BCOR: variants seen among roughly 807,000 people sequenced by gnomAD.
BCOR encodes BCL-6 corepressor.
In BCOR, 10 loss-of-function variants were observed where a neutral mutation model predicts 86.7. The observed-to-expected ratio is 0.12, with a 90% CI of 0.07 to 0.20. The LOEUF is 0.20. BCOR is among the 10% of genes least tolerant of loss of function. The probability of loss-of-function intolerance (pLI) is 1.00; values close to 1 mark genes in which losing one functional copy is unlikely to be tolerated. For missense variants in BCOR, 1,259 were observed against 1,452.1 expected (o/e 0.87, Z 2.16); for synonymous variants, 611 against 609.0 (o/e 1.00, Z -0.05).
At chrX:40,148,736 G>A (rs901492685) in intron 1 of BCOR, among the ~76,000 whole-genome samples, 16 of 111,174 alleles carry the variant, frequency 1.4e-4, no homozygotes, top group African/African-American at 5.2e-4. Context: ...CACCACCAGC[G>A]CTGTGAGGGA....
At chrX:40,070,537 G>A (rs1226453374) in intron 6 of BCOR, among the ~76,000 whole-genome samples, 9 of 111,591 alleles carry the variant, frequency 8.1e-5, no homozygotes, top group African/African-American at 9.8e-5. Context: ...CACCCCCCAC[G>A]GTAAATCGTA....
At chrX:40,174,932 G>A (rs1434214486) in intron 1 of BCOR, among the ~76,000 whole-genome samples, 1 of 113,185 alleles carries the variant, frequency 8.8e-6, no homozygotes, top group African/African-American at 3.2e-5. Flanking sequence ...GTATTTAGAT[G>A]GGGTAAGTTC....
chrX:40,103,104 G>C (rs1390095686), intron 1 of BCOR, among the ~76,000 whole-genome samples: 1 of 80,287 alleles, frequency 1.2e-5, no homozygotes, highest in East Asian at 2.8e-4. Context: ...GGGGTGGGGT[G>C]GGGGGGCTCA....
At chrX:40,119,281 G>A (rs1471447808) in intron 1 of BCOR, among the ~76,000 whole-genome samples, 1 of 107,346 alleles carries the variant, frequency 9.3e-6, no homozygotes. Context: ...GCCGGTGGGG[G>A]GTGGACAGGG....
chrX:40,100,873 C>T (rs1177767017), upstream of BCOR, among the ~76,000 whole-genome samples: 1 of 109,944 alleles, frequency 9.1e-6, no homozygotes, highest in Non-Finnish European at 1.9e-5. Flanking sequence ...TTGCAACATC[C>T]TCCCCCACCT....
At chrX:40,061,616 A>G (rs1934874348) in intron 10 of BCOR, among the ~76,000 whole-genome samples, 1 of 107,467 alleles carries the variant, frequency 9.3e-6, no homozygotes, top group Admixed American at 9.9e-5. Context: ...CAGAGCCCTC[A>G]GCCCTAAGGC....
chrX:40,173,395 G>A (rs1938672860), intron 1 of BCOR, among the ~76,000 whole-genome samples: 1 of 112,366 alleles, frequency 8.9e-6, no homozygotes, highest in African/African-American at 3.2e-5. Context: ...GCTGCCTCCA[G>A]TACAATGCTA....
intron 1 of BCOR, among the ~76,000 whole-genome samples, chrX:40,108,930 AAC>A (rs1428906395): frequency 1.8e-5 from 2 of 113,083 alleles, no homozygotes; most frequent in Non-Finnish European, 3.8e-5. Flanking sequence ...AGGGGAAGGT[AAC>A]ACATGCACAT....
intron 1 of BCOR, among the ~76,000 whole-genome samples, chrX:40,085,091 C>T (rs1298097560): frequency 2.7e-5 from 3 of 113,016 alleles, no homozygotes; most frequent in African/African-American, 9.6e-5. Context: ...TGGGACTAGA[C>T]ACGACACCGC....
intron 1 of BCOR, among the ~76,000 whole-genome samples, chrX:40,096,401 C>CG (rs1349954661): frequency 8.9e-6 from 1 of 112,312 alleles, no homozygotes; most frequent in African/African-American, 3.2e-5. Context: ...AGGGGGAAAG[C>CG]GGGAGGGGGA....
intron 1 of BCOR, among the ~76,000 whole-genome samples, chrX:40,112,060 T>G (rs1217584000): frequency 1.8e-5 from 2 of 111,045 alleles, no homozygotes; most frequent in Non-Finnish European, 3.8e-5. Context: ...GGGGGCGGCG[T>G]TGTTTTTCAG....
At chrX:40,139,792 C>T (rs1937876634) in intron 1 of BCOR, among the ~76,000 whole-genome samples, 1 of 79,719 alleles carries the variant, frequency 1.3e-5, no homozygotes, top group South Asian at 6.6e-4. Context: ...GCCTGGGTGA[C>T]AGAGCGAGAC....
At chrX:40,071,213 C>G (rs1227235445) in intron 5 of BCOR, 54 bp from the exon 6 acceptor site, 1 of 1,115,069 alleles carries the variant, frequency 9.0e-7, no homozygotes, top group Non-Finnish European at 1.2e-6. Context: ...ACCATAAAAG[C>G]TATTTCATTT....
At chrX:40,099,585 C>T (rs1191217182), upstream of BCOR, among the ~76,000 whole-genome samples, 2 of 112,086 alleles carry the variant, frequency 1.8e-5, no homozygotes, top group African/African-American at 6.5e-5. Context: ...CAAAAATAAT[C>T]AAAAGCATCT....
At chrX:40,150,811 A>T (rs1938151915) in intron 1 of BCOR, among the ~76,000 whole-genome samples, 1 of 112,262 alleles carries the variant, frequency 8.9e-6, no homozygotes, top group Admixed American at 9.4e-5. Context: ...CACGAGGAAA[A>T]GCCATTCTAA....
intron 1 of BCOR, among the ~76,000 whole-genome samples, chrX:40,167,142 T>C (rs1938521831): frequency 8.9e-6 from 1 of 112,371 alleles, no homozygotes; most frequent in Admixed American, 9.4e-5. Flanking sequence ...GAAGTTAAAA[T>C]AGGCTTTTGC....
rs754907203 is a variant in BCOR at position 40,064,286 on chromosome X, G to A, written c.3502+50C>T. On this transcript the variant is annotated intron_variant, in intron 7 of 14. Transcript: ENST00000378444. Reference sequence around the variant, plus strand: ...CATCTCCTGTCCATCCACTGTGGCCGCATGCAAAGGCCCACCCCCCGGCAG... The same window carrying A: ...CATCTCCTGTCCATCCACTGTGGCCACATGCAAAGGCCCACCCCCCGGCAG... 4 of 1,206,183 alleles carry A rather than the reference G, an allele frequency of 3.3e-6. No homozygotes were observed. The African/African-American group carries it at 5.2e-5, about 16-fold the overall frequency.
intron 3 of BCOR, among the ~76,000 whole-genome samples, chrX:40,075,398 G>A (rs1935758139): frequency 9.0e-6 from 1 of 111,442 alleles, no homozygotes; most frequent in African/African-American, 3.3e-5. Flanking sequence ...CTAGTATCCT[G>A]GAAGCAGGGA....
intron 6 of BCOR, 138 bp downstream of exon 6, chrX:40,070,835 G>T: frequency 1.7e-6 from 1 of 580,662 alleles, no homozygotes. Flanking sequence ...ATCTTTCACA[G>T]ACGCCTCGTT....
Sources: gnomAD v4.1 joint callset for allele counts (sites outside exome capture counted in the v4.1 genomes callset) on GRCh38, gnomAD v4.1.1 for gene constraint, MANE v1.5 for transcripts, NCBI Gene and HGNC (gene_info 2026-07-23, HGNC 2026-07-21) for gene names.